NDUFAF2: variants seen among roughly 807,000 people sequenced by gnomAD.
NDUFAF2 encodes the protein NADH dehydrogenase [ubiquinone] 1 alpha subcomplex assembly factor 2.
Under a neutral mutation model 22.8 loss-of-function variants are expected in NDUFAF2, and 13 were observed. The ratio of observed to expected loss-of-function variants is 0.57; its 90% CI spans 0.37 to 0.91. NDUFAF2 has a LOEUF of 0.91. Ranked by LOEUF, NDUFAF2 falls within the 40% of genes least tolerant of loss-of-function variation. The pLI is 0.01. For missense variants in NDUFAF2, 162 were observed against 195.2 expected, an observed-to-expected ratio of 0.83 and a Z score of 1.01; for synonymous variants, 53 against 64.2, an observed-to-expected ratio of 0.83 and a Z score of 0.84.
chr5:60,947,046 C>T (rs1750470703), intron 1 of NDUFAF2, among the ~76,000 whole-genome samples: 1 of 152,126 alleles, frequency 6.6e-6, no homozygotes, highest in Admixed American at 6.5e-5. Context: ...TAGGATGTTT[C>T]CAGTTTCTGT....
chr5:61,151,437 C>CA (rs1741236893), intron 3 of NDUFAF2, among the ~76,000 whole-genome samples: 1 of 151,440 alleles, frequency 6.6e-6, no homozygotes, highest in African/African-American at 2.4e-5. Flanking sequence ...TACAGGTAAG[C>CA]AAAAAGAACA....
chr5:60,971,094 C>T (rs1750820613), intron 1 of NDUFAF2, among the ~76,000 whole-genome samples: 1 of 150,506 alleles, frequency 6.6e-6, no homozygotes, highest in African/African-American at 2.4e-5. Flanking sequence ...ATGCTTAATG[C>T]TCTCTAATTC....
At chr5:61,011,770 G>T (rs1751445470) in intron 1 of NDUFAF2, among the ~76,000 whole-genome samples, 1 of 152,062 alleles carries the variant, frequency 6.6e-6, no homozygotes, top group Non-Finnish European at 1.5e-5. Context: ...GGTTGTAGAT[G>T]CTGTGAGGGC....
chr5:60,964,767 C>T (rs1750733135), intron 1 of NDUFAF2, among the ~76,000 whole-genome samples: 1 of 152,008 alleles, frequency 6.6e-6, no homozygotes, highest in African/African-American at 2.4e-5. Context: ...ACGTTGATTA[C>T]CATTACCATG....
chr5:61,098,685 G>A (rs955088351), intron 2 of NDUFAF2, among the ~76,000 whole-genome samples: 3 of 152,074 alleles, frequency 2.0e-5, no homozygotes, highest in Non-Finnish European at 2.9e-5. Context: ...ATACCCAGTC[G>A]AATTTAGATG....
intron 1 of NDUFAF2, among the ~76,000 whole-genome samples, chr5:61,031,588 A>T (rs1395793833): frequency 1.3e-5 from 2 of 151,680 alleles, no homozygotes; most frequent in Non-Finnish European, 2.9e-5. Context: ...TCCATGATAT[A>T]TAAAATGGTA....
At chr5:61,133,268 GA>G (rs944555543) in intron 3 of NDUFAF2, among the ~76,000 whole-genome samples, 21 of 151,872 alleles carry the variant, frequency 1.4e-4, no homozygotes, top group African/African-American at 4.3e-4. Flanking sequence ...TTTCTTTGGG[GA>G]AAAAAAAGTG....
chr5:61,060,692 C>A (rs1437177189), intron 1 of NDUFAF2, among the ~76,000 whole-genome samples: 4 of 152,088 alleles, frequency 2.6e-5, no homozygotes, highest in Admixed American at 2.6e-4. Context: ...TCTTTCAACC[C>A]CAAAGTCACC....
intron 2 of NDUFAF2, among the ~76,000 whole-genome samples, chr5:61,082,430 A>G (rs1201521570): frequency 3.3e-5 from 5 of 151,924 alleles, no homozygotes; most frequent in Non-Finnish European, 7.4e-5. Flanking sequence ...TTTCTTTTTT[A>G]AATTTTAGAT....
intron 3 of NDUFAF2, among the ~76,000 whole-genome samples, chr5:61,112,506 C>G (rs568125042): frequency 1.3e-5 from 2 of 152,254 alleles, no homozygotes; most frequent in Admixed American, 1.3e-4. Flanking sequence ...GCCACTGCAC[C>G]CAGCCCTTTA....
intron 3 of NDUFAF2, among the ~76,000 whole-genome samples, chr5:61,123,369 G>A (rs1203914405): frequency 6.6e-6 from 1 of 152,054 alleles, no homozygotes; most frequent in South Asian, 2.1e-4. Context: ...TACACACCCT[G>A]TCTATATAGT....
intron 3 of NDUFAF2, among the ~76,000 whole-genome samples, chr5:61,133,812 G>A (rs1468320042): frequency 6.6e-6 from 1 of 152,208 alleles, no homozygotes; most frequent in Non-Finnish European, 1.5e-5. Context: ...TTATGTGCTA[G>A]ACATTGTTGT....
intron 1 of NDUFAF2, among the ~76,000 whole-genome samples, chr5:61,057,220 C>A (rs1752111182): frequency 6.6e-6 from 1 of 152,052 alleles, no homozygotes; most frequent in Admixed American, 6.6e-5. Context: ...TGACTTCTCA[C>A]TGAACTCATC....
At chr5:60,989,938 G>A (rs1751136289) in intron 1 of NDUFAF2, among the ~76,000 whole-genome samples, 2 of 151,974 alleles carry the variant, frequency 1.3e-5, no homozygotes, top group Admixed American at 1.3e-4. Context: ...AAGAAAATGT[G>A]GTACATATAT....
At chr5:61,090,423 A>G (rs1752552506) in intron 2 of NDUFAF2, among the ~76,000 whole-genome samples, 1 of 152,056 alleles carries the variant, frequency 6.6e-6, no homozygotes, top group African/African-American at 2.4e-5. Flanking sequence ...CATGTCATGA[A>G]ATACTGTTCG....
intron 1 of NDUFAF2, among the ~76,000 whole-genome samples, chr5:61,072,842 T>C (rs1353553195): frequency 6.6e-6 from 1 of 152,160 alleles, no homozygotes. Context: ...GCTCAGGCGA[T>C]CCACCCACCT....
At chr5:60,968,828 C>T (rs1489163028) in intron 1 of NDUFAF2, among the ~76,000 whole-genome samples, 1 of 151,860 alleles carries the variant, frequency 6.6e-6, no homozygotes, top group African/African-American at 2.4e-5. Context: ...TTTTGTACCA[C>T]TTAACCATCT....
chr5:61,132,539 A>G (rs920786528), intron 3 of NDUFAF2, among the ~76,000 whole-genome samples: 8 of 152,150 alleles, frequency 5.3e-5, no homozygotes, highest in Non-Finnish European at 7.3e-5. Context: ...GCTACCACTG[A>G]TACCCACTTG....
intron 2 of NDUFAF2, among the ~76,000 whole-genome samples, chr5:61,079,211 C>T (rs1479765913): frequency 6.6e-6 from 1 of 151,994 alleles, no homozygotes; most frequent in Non-Finnish European, 1.5e-5. Context: ...AATGTCATAC[C>T]CACTTTTATT....
Sources: gnomAD v4.1 joint callset for allele counts (sites outside exome capture counted in the v4.1 genomes callset) on GRCh38, gnomAD v4.1.1 for gene constraint, MANE v1.5 for transcripts, NCBI Gene and HGNC (gene_info 2026-07-23, HGNC 2026-07-21) for gene names.